The following SNX18 variants were observed in gnomAD, a reference collection of about 807,000 sequenced individuals.
The protein encoded by SNX18 is sorting nexin 18.
In SNX18, 35 loss-of-function variants were observed where a neutral mutation model predicts 48.7. The ratio of observed to expected loss-of-function variants is 0.72; its 90% CI spans 0.55 to 0.95. SNX18 has a LOEUF of 0.95. Ranked by LOEUF, SNX18 falls within the 40% of genes least tolerant of loss-of-function variation. The probability of loss-of-function intolerance (pLI) is 0.00; values close to 1 mark genes in which losing one functional copy is unlikely to be tolerated. For synonymous variants in SNX18, 492 were observed against 384.7 expected (o/e 1.28, Z -3.26); for missense variants, 824 against 871.0 (o/e 0.95, Z 0.68).
chr5:54,532,059 C>T (rs1026690982), intron 1 of SNX18, among the ~76,000 whole-genome samples: 4 of 152,166 alleles, frequency 2.6e-5, no homozygotes, highest in East Asian at 1.9e-4. Flanking sequence ...TGGCTTCTCT[C>T]GTAAAGAGCA....
At chr5:54,569,638 G>C in the SNX18 span, among the ~76,000 whole-genome samples, 1 of 152,084 alleles carries the variant, frequency 6.6e-6, no homozygotes, top group African/African-American at 2.4e-5. Flanking sequence ...GAGCTCACTG[G>C]GTTTGTTGAC....
At chr5:54,556,802 G>C in the SNX18 span, among the ~76,000 whole-genome samples, 1 of 152,170 alleles carries the variant, frequency 6.6e-6, no homozygotes, top group African/African-American at 2.4e-5. Flanking sequence ...CCCTTGTAAA[G>C]TCTAGATTTC....
At chr5:54,618,666 G>A in the SNX18 span, among the ~76,000 whole-genome samples, 1 of 152,192 alleles carries the variant, frequency 6.6e-6, no homozygotes, top group Non-Finnish European at 1.5e-5. Context: ...AAACTGGTGA[G>A]AGAAGGGGTT....
the SNX18 span, among the ~76,000 whole-genome samples, chr5:54,581,268 A>G: frequency 6.6e-6 from 1 of 152,234 alleles, no homozygotes; most frequent in East Asian, 1.9e-4. Flanking sequence ...TATATTTGGG[A>G]AGATTCATGT....
At chr5:54,537,286 CTTAA>C (rs1349779288) in intron 1 of SNX18, among the ~76,000 whole-genome samples, 1 of 152,180 alleles carries the variant, frequency 6.6e-6, no homozygotes, top group East Asian at 1.9e-4. Context: ...AACGGTACTA[CTTAA>C]TTGTTAGGTT....
At chr5:54,595,426 AG>A in the SNX18 span, among the ~76,000 whole-genome samples, 3,925 of 152,086 alleles carry the variant, frequency 0.026, 56 homozygotes, top group Non-Finnish European at 0.037. Flanking sequence ...TAGTAGAGAC[AG>A]GGTTTCACCA....
chr5:54,641,302 C>T, the SNX18 span, among the ~76,000 whole-genome samples: 1 of 152,144 alleles, frequency 6.6e-6, no homozygotes. Flanking sequence ...TGTATTATTA[C>T]ATATTATATG....
At chr5:54,529,034 C>T (rs1762201332) in intron 1 of SNX18, among the ~76,000 whole-genome samples, 1 of 152,080 alleles carries the variant, frequency 6.6e-6, no homozygotes, top group South Asian at 2.1e-4. Flanking sequence ...AGCGGAAACA[C>T]GGAAGATCAA....
the SNX18 span, among the ~76,000 whole-genome samples, chr5:54,618,229 C>T: frequency 6.6e-6 from 1 of 152,180 alleles, no homozygotes. Flanking sequence ...TGTTTGCTTC[C>T]CCTTCTGCTA....
intron 1 of SNX18, among the ~76,000 whole-genome samples, chr5:54,523,493 G>GC: frequency 6.6e-6 from 1 of 150,922 alleles, no homozygotes. Flanking sequence ...ATGGCTAGAG[G>GC]GAGTTCCTTT....
At chr5:54,567,839 C>G in the SNX18 span, among the ~76,000 whole-genome samples, 6 of 152,170 alleles carry the variant, frequency 3.9e-5, no homozygotes, top group African/African-American at 7.2e-5. Context: ...CTTGCTTAGT[C>G]TCTGGGGACT....
chr5:54,564,267 AAAAT>A, the SNX18 span, among the ~76,000 whole-genome samples: 9,360 of 152,040 alleles, frequency 0.062, 385 homozygotes, highest in Middle Eastern at 0.1. Context: ...ACTCCATCTC[AAAAT>A]AAATAAATAA....
the SNX18 span, among the ~76,000 whole-genome samples, chr5:54,646,400 C>G: frequency 6.6e-6 from 1 of 152,254 alleles, no homozygotes; most frequent in Non-Finnish European, 1.5e-5. Flanking sequence ...CTCAGCTTGC[C>G]CCGTGTTCGT....
chr5:54,590,978 A>T, the SNX18 span, among the ~76,000 whole-genome samples: 1 of 152,084 alleles, frequency 6.6e-6, no homozygotes, highest in African/African-American at 2.4e-5. Context: ...AGAGTAAAGT[A>T]AGTGAAGTTC....
At chr5:54,581,443 AAT>A in the SNX18 span, among the ~76,000 whole-genome samples, 1 of 152,020 alleles carries the variant, frequency 6.6e-6, no homozygotes, top group Non-Finnish European at 1.5e-5. Context: ...GGGTTTTTAA[AAT>A]ATGACTCCCC....
the SNX18 span, among the ~76,000 whole-genome samples, chr5:54,566,046 G>A: frequency 3.3e-5 from 5 of 152,098 alleles, no homozygotes; most frequent in Non-Finnish European, 2.9e-5. Context: ...CTGTGTCCAC[G>A]TCCTTCAGCC....
chr5:54,569,437 T>A, the SNX18 span, among the ~76,000 whole-genome samples: 1 of 152,210 alleles, frequency 6.6e-6, no homozygotes, highest in Non-Finnish European at 1.5e-5. Flanking sequence ...CATTTTATTA[T>A]ATCACATGAA....
chr5:54,565,981 G>A, the SNX18 span, among the ~76,000 whole-genome samples: 1 of 152,140 alleles, frequency 6.6e-6, no homozygotes, highest in African/African-American at 2.4e-5. Flanking sequence ...GAAAAGCCTG[G>A]CAGACTGTCT....
At chr5:54,594,542 T>C in the SNX18 span, among the ~76,000 whole-genome samples, 3 of 152,208 alleles carry the variant, frequency 2.0e-5, no homozygotes, top group Non-Finnish European at 2.9e-5. Context: ...ATGCAAATAA[T>C]GTGCTTTATG....
Sources: allele counts gnomAD v4.1 joint callset (sites outside exome capture counted in the v4.1 genomes callset), GRCh38; gene constraint gnomAD v4.1.1; transcripts MANE v1.5; gene names NCBI Gene and HGNC (gene_info 2026-07-23, HGNC 2026-07-21).